Variants in GALNTL6 observed in about 807,000 individuals in gnomAD.
GALNTL6 encodes the protein polypeptide N-acetylgalactosaminyltransferase like 6, also known as polypeptide N-acetylgalactosaminyltransferase-like 6.
A neutral mutation model predicts 73.7 loss-of-function variants in GALNTL6; 46 were observed. The observed-to-expected ratio is 0.62, with a 90% CI of 0.49 to 0.80. The LOEUF (loss-of-function observed/expected upper bound fraction) is 0.80. GALNTL6 is among the 30% of genes least tolerant of loss of function. The pLI, the probability that GALNTL6 is intolerant of heterozygous loss-of-function variation, is 0.00. For missense variants in GALNTL6, 604 were observed against 755.0 expected (o/e 0.80, Z 2.34); for synonymous variants, 259 against 263.7 (o/e 0.98, Z 0.17).
At chr4:172,163,758 T>G (rs750798943) in intron 2 of GALNTL6, among the ~76,000 whole-genome samples, 23 of 151,994 alleles carry the variant, frequency 1.5e-4, no homozygotes, top group Non-Finnish European at 3.4e-4. Context: ...TTCAGAAATG[T>G]AAGCCTCAAT....
At chr4:171,924,669 T>C (rs1737920096) in intron 2 of GALNTL6, among the ~76,000 whole-genome samples, 1 of 152,214 alleles carries the variant, frequency 6.6e-6, no homozygotes, top group Non-Finnish European at 1.5e-5. Flanking sequence ...GAAGGTATTC[T>C]GTTGGCTTGA....
At chr4:172,827,539 CTT>C (rs1742332587) in intron 7 of GALNTL6, among the ~76,000 whole-genome samples, 1 of 152,188 alleles carries the variant, frequency 6.6e-6, no homozygotes, top group Non-Finnish European at 1.5e-5. Context: ...GATCTGGAGT[CTT>C]TGTCTCCCTA....
chr4:172,449,628 C>T (rs1271544185), intron 5 of GALNTL6, among the ~76,000 whole-genome samples: 4 of 152,214 alleles, frequency 2.6e-5, no homozygotes, highest in Admixed American at 2.6e-4. Context: ...GTCTACAACA[C>T]TGGCCGTTCT....
intron 5 of GALNTL6, among the ~76,000 whole-genome samples, chr4:172,498,986 A>G (rs1338857484): frequency 2.6e-5 from 4 of 152,232 alleles, no homozygotes; most frequent in South Asian, 2.1e-4. Context: ...TTAGTCTGGC[A>G]TAAATAAGAC....
chr4:172,222,772 C>T (rs941871623), intron 2 of GALNTL6, among the ~76,000 whole-genome samples: 1 of 151,926 alleles, frequency 6.6e-6, no homozygotes, highest in South Asian at 2.1e-4. Flanking sequence ...GATATAAATA[C>T]AAAGGATAAA....
intron 2 of GALNTL6, among the ~76,000 whole-genome samples, chr4:171,957,428 G>A (rs1332382270): frequency 6.6e-6 from 1 of 152,100 alleles, no homozygotes; most frequent in Non-Finnish European, 1.5e-5. Flanking sequence ...CCTGGTAAAG[G>A]CTGCGCTCTG....
intron 2 of GALNTL6, among the ~76,000 whole-genome samples, chr4:172,199,274 T>C (rs1735878925): frequency 6.6e-6 from 1 of 152,208 alleles, no homozygotes. Context: ...AGGATTTTTG[T>C]GGAATTTTTT....
intron 2 of GALNTL6, among the ~76,000 whole-genome samples, chr4:172,206,984 G>C (rs371670594): frequency 1.3e-5 from 2 of 151,044 alleles, no homozygotes; most frequent in Admixed American, 6.6e-5. Context: ...CGCCCGGCTA[G>C]TTTTTTGTAT....
At chr4:172,123,778 C>A (rs1733218493) in intron 2 of GALNTL6, among the ~76,000 whole-genome samples, 1 of 152,120 alleles carries the variant, frequency 6.6e-6, no homozygotes, top group South Asian at 2.1e-4. Flanking sequence ...GGATTACAGG[C>A]ATGAGCCACT....
chr4:172,992,062 A>ATT (rs1561074190), intron 10 of GALNTL6, among the ~76,000 whole-genome samples: 7 of 152,300 alleles, frequency 4.6e-5, no homozygotes, highest in Non-Finnish European at 1.0e-4. Flanking sequence ...AAACCCTCTA[A>ATT]GCTAGACCCA....
intron 7 of GALNTL6, among the ~76,000 whole-genome samples, chr4:172,816,670 T>C (rs1651534321): frequency 1.3e-5 from 2 of 152,176 alleles, no homozygotes; most frequent in South Asian, 4.1e-4. Flanking sequence ...ATGGATAACT[T>C]TGAGCATTAA....
chr4:172,211,806 C>T lies in GALNTL6; in HGVS notation c.139-17850C>T, dbSNP rs77309578. 8.0e-3 allele frequency among the ~76,000 whole-genome samples: 1,212 copies of T among 152,272 alleles called. 14 individuals carry two copies. The highest frequency in any genetic ancestry group is 0.028 in the African/African-American group (1,152 of 41,560). ...TAGACAGTGTCTTCTCTAGTCCTCA[C>T]GTAGCAGAAAGGGCAAGATAGCTTG... is the stretch of plus-strand genomic sequence containing the variant. On this transcript the variant is annotated intron_variant, in intron 2 of 12. Coordinates refer to ENST00000506823, the MANE Select transcript of GALNTL6 (RefSeq NM_001034845.3).
intron 2 of GALNTL6, among the ~76,000 whole-genome samples, chr4:172,024,331 A>G (rs1741491441): frequency 6.6e-6 from 1 of 151,822 alleles, no homozygotes; most frequent in East Asian, 1.9e-4. Flanking sequence ...ATATATATAT[A>G]CATAATATAT....
At chr4:172,464,282 T>C (rs181606833) in intron 5 of GALNTL6, among the ~76,000 whole-genome samples, 39 of 152,258 alleles carry the variant, frequency 2.6e-4, no homozygotes, top group African/African-American at 8.9e-4. Flanking sequence ...GGGGTAATAA[T>C]AATAGTAATA....
intron 2 of GALNTL6, among the ~76,000 whole-genome samples, chr4:172,007,588 A>G (rs1740878278): frequency 6.6e-6 from 1 of 152,160 alleles, no homozygotes; most frequent in Non-Finnish European, 1.5e-5. Context: ...TTAACAACCT[A>G]ATTAAAAATC....
At chr4:171,967,450 T>TTTTTTTTGTTTG (rs71244911) in intron 2 of GALNTL6, among the ~76,000 whole-genome samples, 58 of 133,392 alleles carry the variant, frequency 4.3e-4, no homozygotes, top group African/African-American at 1.3e-3. Flanking sequence ...CCTATGGGTT[T>TTTTTTTTGTTTG]TTTTTTTTTT....
chr4:173,025,639 CCT>C (rs1753201819), intron 12 of GALNTL6, among the ~76,000 whole-genome samples: 1 of 152,182 alleles, frequency 6.6e-6, no homozygotes, highest in Non-Finnish European at 1.5e-5. Flanking sequence ...TCATGGTATT[CCT>C]CTGTTTCATG....
At chr4:172,617,913 T>C (rs530267086) in intron 5 of GALNTL6, among the ~76,000 whole-genome samples, 71 of 152,188 alleles carry the variant, frequency 4.7e-4, no homozygotes, top group Non-Finnish European at 9.1e-4. Context: ...ACAATGTACA[T>C]TGCCTGAATC....
chr4:172,598,169 A>G (rs1737932028), intron 5 of GALNTL6, among the ~76,000 whole-genome samples: 1 of 152,122 alleles, frequency 6.6e-6, no homozygotes, highest in Admixed American at 6.6e-5. Flanking sequence ...AAGCTTCTTT[A>G]TTATACATAG....
Sources: allele counts gnomAD v4.1 joint callset (sites outside exome capture counted in the v4.1 genomes callset), GRCh38; gene constraint gnomAD v4.1.1; transcripts MANE v1.5; gene names NCBI Gene and HGNC (gene_info 2026-07-23, HGNC 2026-07-21).